NPY1R: variants seen among roughly 807,000 people sequenced by gnomAD.
NPY1R encodes the protein neuropeptide Y receptor Y1, also known as neuropeptide Y receptor type 1.
Under a neutral mutation model 24.1 loss-of-function variants are expected in NPY1R, and 10 were observed. That is an observed-to-expected ratio of 0.42 (90% CI 0.26 to 0.71). The LOEUF is 0.71. Ranked by LOEUF, NPY1R falls within the 30% of genes least tolerant of loss-of-function variation. NPY1R has a pLI of 0.28. For synonymous variants in NPY1R, 168 were observed against 165.9 expected (o/e 1.01, Z -0.10); for missense variants, 350 against 458.0 (o/e 0.76, Z 2.15).
At chr4:163,330,914 T>C (rs1378012643) in intron 1 of NPY1R, 1 of 152,282 alleles carries the variant, frequency 6.6e-6, no homozygotes, top group Non-Finnish European at 1.5e-5. Context: ...ATGTCAGCCT[T>C]GTTACATACA....
chr4:163,334,967 A>C (rs1318060649), upstream of NPY1R, among the ~76,000 whole-genome samples: 4 of 152,190 alleles, frequency 2.6e-5, no homozygotes, highest in Non-Finnish European at 2.9e-5. Context: ...GAGAAATTAG[A>C]CATGGTCCAA....
intron 1 of NPY1R, among the ~76,000 whole-genome samples, chr4:163,340,156 A>G (rs1734943592): frequency 6.6e-6 from 1 of 152,086 alleles, no homozygotes; most frequent in African/African-American, 2.4e-5. Flanking sequence ...CAAAAAATAG[A>G]TAGGAAATGG....
At chr4:163,325,794 T>C in intron 2 of NPY1R, 36 bp from the exon 3 acceptor site, 1 of 1,568,172 alleles carries the variant, frequency 6.4e-7, no homozygotes, top group South Asian at 1.1e-5. Context: ...AAACACTCAT[T>C]TGATGAGGAA....
chr4:163,344,385 G>T (rs979904477), exon 1 of NPY1R: 1 of 152,308 alleles, frequency 6.6e-6, no homozygotes. Context: ...TGGGGCGGGG[G>T]ATGGACAAAG....
intron 1 of NPY1R, among the ~76,000 whole-genome samples, chr4:163,339,762 G>A (rs1320720521): frequency 6.6e-6 from 1 of 152,028 alleles, no homozygotes; most frequent in East Asian, 1.9e-4. Flanking sequence ...CTGATGATCT[G>A]CCTCATATTT....
At chr4:163,343,018 A>ACACGCG (rs1735042934) in intron 1 of NPY1R, among the ~76,000 whole-genome samples, 2 of 134,984 alleles carry the variant, frequency 1.5e-5, no homozygotes, top group African/African-American at 6.0e-5. Context: ...ACACACACAC[A>ACACGCG]CGCGCGCGCG....
At chr4:163,340,594 A>T (rs1675018050) in intron 1 of NPY1R, among the ~76,000 whole-genome samples, 1 of 152,072 alleles carries the variant, frequency 6.6e-6, no homozygotes, top group African/African-American at 2.4e-5. Flanking sequence ...AATGCATGCT[A>T]ATTAATGGCA....
rs750120094 is a variant in NPY1R at position 163,326,132 on chromosome 4, C to G, written c.423G>C (p.Leu141=). 4.3e-6 allele frequency: 7 copies of G among 1,614,120 alleles called. No homozygotes were observed. The highest frequency in any genetic ancestry group is 4.2e-6 in the Non-Finnish European group (5 of 1,180,004). Residue 141 remains leucine, a synonymous_variant, in exon 2 of 3, where the codon CTG becomes CTC. Coordinates refer to ENST00000296533, the MANE Select transcript of NPY1R (RefSeq NM_000909.6). ...LVLIAVERHQ[L]IINPRGWRPN... ...GTCTCCACCCTCGAGGGTTGATTAT[C>G]AGCTGATGTCGTTCCACAGCAATGA...
At chr4:163,338,769 C>T (rs982972454) in intron 1 of NPY1R, among the ~76,000 whole-genome samples, 1 of 152,182 alleles carries the variant, frequency 6.6e-6, no homozygotes, top group African/African-American at 2.4e-5. Context: ...ATGTACCCAA[C>T]CCTCAATCTT....
At chr4:163,339,120 C>G (rs1197496397) in intron 1 of NPY1R, among the ~76,000 whole-genome samples, 2 of 152,120 alleles carry the variant, frequency 1.3e-5, no homozygotes, top group African/African-American at 2.4e-5. Context: ...AGTGAAGGGC[C>G]AAAGACATCC....
chr4:163,332,853 A>C (rs570372105), upstream of NPY1R: 4 of 152,376 alleles, frequency 2.6e-5, no homozygotes, highest in South Asian at 6.2e-4. Context: ...CGGGGAAGGC[A>C]GGGCAGTTTC....
chr4:163,327,432 C>T lies in NPY1R; in HGVS notation c.-151-727G>A, dbSNP rs114229064. On this transcript the variant is annotated intron_variant, in intron 1 of 2. Coordinates refer to ENST00000296533, the MANE Select transcript of NPY1R (RefSeq NM_000909.6). ...GTTAAAAGTAGGACCAAGAGGTGCA[C>T]ATTATTTTTTTAATCACATCATTGT... Among the ~76,000 whole-genome samples the T allele has an allele frequency of 4.5e-3, 679 of 152,158 alleles. 5 individuals carry two copies. The highest frequency in any genetic ancestry group is 0.016 in the African/African-American group (655 of 41,530).
chr4:163,327,287 G>A (rs572429423), intron 1 of NPY1R, among the ~76,000 whole-genome samples: 1 of 152,292 alleles, frequency 6.6e-6, no homozygotes, highest in African/African-American at 2.4e-5. Context: ...TGAGAGACTA[G>A]ACAATGTTTA....
chr4:163,327,937 C>G (rs916290781), intron 1 of NPY1R, among the ~76,000 whole-genome samples: 3 of 152,078 alleles, frequency 2.0e-5, no homozygotes, highest in African/African-American at 7.2e-5. Context: ...TCATTCTTTT[C>G]TTTCTTAAAT....
At position 163,326,616 on chromosome 4, in the gene NPY1R, A is replaced by T. The variant is rs1478132257; in HGVS notation, c.-62T>A. ...AATGGACAGTATGTTTCTTCAAAGC[A>T]GGTCAACTGTTCAGCTTATTCTTAT... is the stretch of plus-strand genomic sequence containing the variant. On this transcript the variant is annotated 5_prime_UTR_variant, in exon 2 of 3. Coordinates refer to ENST00000296533, the MANE Select transcript of NPY1R (RefSeq NM_000909.6). 1 of 1,040,874 alleles carries T rather than the reference A, an allele frequency of 9.6e-7. No individual in the cohort carries two copies. Among genetic ancestry groups the T allele is most frequent in the East Asian group, 2.4e-5 (1 of 41,654 alleles). The allele number at this position is 1,040,874 out of a possible 1,614,324, so 64.5% of individuals were successfully genotyped here.
upstream of NPY1R, among the ~76,000 whole-genome samples, chr4:163,337,146 T>C (rs1361156800): frequency 6.6e-6 from 1 of 152,152 alleles, no homozygotes; most frequent in Non-Finnish European, 1.5e-5. Flanking sequence ...TACAAATACA[T>C]CTAGAAAGAG....
At position 163,324,472 on chromosome 4, in the gene NPY1R, G is replaced by GA. The variant is rs1220899298; in HGVS notation, c.*830dup. The GA allele has an allele frequency of 1.3e-5, 2 of 152,110 alleles. No homozygotes were observed. Among genetic ancestry groups the GA allele is most frequent in the African/African-American group, 4.8e-5 (2 of 41,422 alleles). 9.4% of individuals were successfully genotyped at this position (152,110 alleles called of 1,614,324 possible). On this transcript the variant is annotated 3_prime_UTR_variant, in exon 3 of 3. Transcript: ENST00000296533. Reference sequence around the variant, plus strand: ...CACTGAACAGTCTGTAAAAAAAATGGAAAATCTCTTGACCATCAATTCAAA... The same window carrying GA: ...CACTGAACAGTCTGTAAAAAAAATGGAAAAATCTCTTGACCATCAATTCAAA...
intron 1 of NPY1R, among the ~76,000 whole-genome samples, chr4:163,342,202 A>G (rs1560863335): frequency 6.6e-6 from 1 of 152,234 alleles, no homozygotes; most frequent in Non-Finnish European, 1.5e-5. Context: ...AATAGAAAAC[A>G]AATTTGTGGA....
At position 163,326,613 on chromosome 4, in the gene NPY1R, A is replaced by G; in HGVS notation, c.-59T>C. ...ACAAATGGACAGTATGTTTCTTCAA[A>G]GCAGGTCAACTGTTCAGCTTATTCT... On this transcript the variant is annotated 5_prime_UTR_variant, in exon 2 of 3. Coordinates refer to ENST00000296533, the MANE Select transcript of NPY1R (RefSeq NM_000909.6). 9.1e-7 allele frequency: 1 copy of G among 1,095,862 alleles called. No homozygotes were observed. The highest frequency in any genetic ancestry group is 1.5e-5 in the South Asian group (1 of 65,794). The allele number at this position is 1,095,862 out of a possible 1,614,324, so 67.9% of individuals were successfully genotyped here. A position where few individuals can be genotyped will look rare whatever the true frequency, so the allele number is the denominator to read the frequency against.
Sources: allele counts gnomAD v4.1 joint callset (sites outside exome capture counted in the v4.1 genomes callset), GRCh38; gene constraint gnomAD v4.1.1; transcripts MANE v1.5; gene names NCBI Gene and HGNC (gene_info 2026-07-23, HGNC 2026-07-21).